Variants in TRAF3 observed in about 807,000 individuals in gnomAD.
TRAF3 encodes TNF receptor-associated factor 3.
TRAF3 carries 13 observed loss-of-function variants against 62.3 expected under a neutral mutation model. The observed-to-expected ratio is 0.21, with a 90% CI of 0.14 to 0.33. TRAF3 has a LOEUF of 0.33. TRAF3 is among the 10% of genes least tolerant of loss of function. TRAF3 has a pLI of 1.00. For missense variants in TRAF3, 440 were observed against 741.8 expected, an observed-to-expected ratio of 0.59 and a Z score of 4.73; for synonymous variants, 269 against 283.4, an observed-to-expected ratio of 0.95 and a Z score of 0.51.
intron 6 of TRAF3, among the ~76,000 whole-genome samples, chr14:102,885,355 C>T (rs1436706594): frequency 6.6e-6 from 1 of 152,176 alleles, no homozygotes; most frequent in African/African-American, 2.4e-5. Flanking sequence ...AGGATTGAGG[C>T]ATCCTGTGGC....
intron 2 of TRAF3, among the ~76,000 whole-genome samples, chr14:102,833,030 T>TAA (rs1340177172): frequency 6.6e-6 from 1 of 152,230 alleles, no homozygotes; most frequent in East Asian, 1.9e-4. Flanking sequence ...CATATCCACA[T>TAA]AAATGGGTGT....
At chr14:102,881,245 A>G (rs929903126) in intron 6 of TRAF3, among the ~76,000 whole-genome samples, 14 of 151,956 alleles carry the variant, frequency 9.2e-5, no homozygotes, top group African/African-American at 3.1e-4. Flanking sequence ...TTAGCTGGGC[A>G]TGGTAACACA....
chr14:102,873,304 A>G (rs560976587), intron 4 of TRAF3, among the ~76,000 whole-genome samples: 3 of 152,228 alleles, frequency 2.0e-5, no homozygotes, highest in East Asian at 3.9e-4. Flanking sequence ...CTCTGCATTT[A>G]CCTGCTGCTG....
At chr14:102,809,681 C>T (rs1325344249) in intron 1 of TRAF3, among the ~76,000 whole-genome samples, 1 of 151,684 alleles carries the variant, frequency 6.6e-6, no homozygotes, top group African/African-American at 2.4e-5. Flanking sequence ...CAGGCGCTCG[C>T]CACCACACCC....
At chr14:102,791,347 T>G (rs1897783722) in intron 1 of TRAF3, among the ~76,000 whole-genome samples, 1 of 152,188 alleles carries the variant, frequency 6.6e-6, no homozygotes, top group Admixed American at 6.5e-5. Context: ...CATTCAATTA[T>G]GTCTCCTTTA....
chr14:102,810,631 A>G (rs1039165941), intron 1 of TRAF3: 6 of 152,224 alleles, frequency 3.9e-5, no homozygotes, highest in Non-Finnish European at 7.3e-5. Context: ...TCTTGAGCTT[A>G]TCATGATGTG....
In TRAF3 at chr14:102,910,375, A is replaced by C. The variant is rs540506227; in HGVS notation, c.*4591A>C. 9.8e-5 allele frequency: 15 copies of C among 152,362 alleles called. 1 individual carries two copies. The highest frequency in any genetic ancestry group is 9.2e-4 in the Admixed American group (14 of 15,300). The allele number at this position is 152,362 out of a possible 1,614,324, so 9.4% of individuals were successfully genotyped here. ...GAATGAGGGTCTGTCACCCAAATCTACTTCTCAGCCCATGACCATAGTTCT... is the reference window on the plus strand; with the variant it reads ...GAATGAGGGTCTGTCACCCAAATCTCCTTCTCAGCCCATGACCATAGTTCT... On this transcript the variant is annotated 3_prime_UTR_variant, in exon 12 of 12. Transcript: ENST00000392745.
chr14:102,898,927 CA>C (rs1392615307), intron 10 of TRAF3, among the ~76,000 whole-genome samples: 1 of 152,212 alleles, frequency 6.6e-6, no homozygotes, highest in Non-Finnish European at 1.5e-5. Flanking sequence ...GTGGTGACGG[CA>C]GCGGTCAGTG....
intron 8 of TRAF3, among the ~76,000 whole-genome samples, chr14:102,890,542 A>G (rs1423084194): frequency 6.6e-6 from 1 of 152,198 alleles, no homozygotes; most frequent in Non-Finnish European, 1.5e-5. Context: ...ATGTTTATAT[A>G]TTGCAACACT....
intron 1 of TRAF3, among the ~76,000 whole-genome samples, chr14:102,787,519 C>CAA (rs775633084): frequency 3.5e-5 from 4 of 112,848 alleles, no homozygotes; most frequent in African/African-American, 3.3e-5. Flanking sequence ...TCTACTAAAC[C>CAA]AAAAAAAAAA....
chr14:102,807,238 T>C (rs758895000), intron 1 of TRAF3, among the ~76,000 whole-genome samples: 6 of 152,188 alleles, frequency 3.9e-5, no homozygotes, highest in Non-Finnish European at 8.8e-5. Flanking sequence ...GATAAGGTCT[T>C]GCGTCTCCCT....
chr14:102,794,695 A>G lies in TRAF3; in HGVS notation c.-157+17020A>G, dbSNP rs543099646. On this transcript the variant is annotated intron_variant, in intron 1 of 11. Transcript: ENST00000392745. The stretch of plus-strand genomic sequence containing the variant: ...TAGTGCTCTCAGTAATATATGTTAG[A>G]TACCCATTTGAAAACTGTTGTGGAT... Among the ~76,000 whole-genome samples the G allele has an allele frequency of 6.6e-5, 10 of 152,342 alleles. 3 individuals are homozygous for G. The highest frequency in any genetic ancestry group is 2.2e-4 in the African/African-American group (9 of 41,576).
intron 1 of TRAF3, among the ~76,000 whole-genome samples, chr14:102,828,091 C>G (rs1302778991): frequency 6.6e-6 from 1 of 152,254 alleles, no homozygotes; most frequent in Admixed American, 6.5e-5. Flanking sequence ...AGCCATCCTC[C>G]AGTAAAAAAC....
Position 102,808,240 on chromosome 14 carries a change from C to T in TRAF3, c.-156-22094C>T, listed in dbSNP as rs1042930459. Among the ~76,000 whole-genome samples the T allele has an allele frequency of 5.3e-5, 8 of 152,182 alleles. No homozygotes were observed. The South Asian group carries it at 6.2e-4, about 12-fold the overall frequency. On this transcript the variant is annotated intron_variant, in intron 1 of 11. Coordinates refer to ENST00000392745, the MANE Select transcript of TRAF3 (RefSeq NM_145725.3). The stretch of plus-strand genomic sequence containing the variant: ...AAAGAAGAACACACTAGGCCAGGTG[C>T]GGTGGCTCACACCTGTAATCCCAGC...
chr14:102,781,631 A>G (rs773359149), intron 1 of TRAF3, among the ~76,000 whole-genome samples: 18 of 151,864 alleles, frequency 1.2e-4, no homozygotes, highest in Non-Finnish European at 2.2e-4. Context: ...TTATTTATTT[A>G]TTTTATTTTA....
chr14:102,881,405 A>G (rs1889055009), intron 6 of TRAF3, among the ~76,000 whole-genome samples: 2 of 152,086 alleles, frequency 1.3e-5, no homozygotes, highest in Non-Finnish European at 2.9e-5. Flanking sequence ...CAAAAAAAAA[A>G]AAAAAGAAAA....
At chr14:102,801,105 G>A (rs945031946) in intron 1 of TRAF3, among the ~76,000 whole-genome samples, 2 of 152,236 alleles carry the variant, frequency 1.3e-5, no homozygotes, top group Admixed American at 1.3e-4. Context: ...GGCGGAGCTT[G>A]CAGTGAGCGG....
intron 7 of TRAF3, 36 bp from the exon 8 acceptor site, chr14:102,889,524 G>T (rs1555376031): frequency 6.2e-7 from 1 of 1,608,512 alleles, no homozygotes; most frequent in Non-Finnish European, 8.5e-7. Flanking sequence ...TCATGCAAAC[G>T]TTTGTGCCAC....
chr14:102,858,490 A>G (rs1222549587), intron 2 of TRAF3, among the ~76,000 whole-genome samples: 1 of 151,604 alleles, frequency 6.6e-6, no homozygotes, highest in Non-Finnish European at 1.5e-5. Flanking sequence ...CTCCAAAGTT[A>G]TTAGAAACCT....
Sources: gnomAD v4.1 joint callset for allele counts (sites outside exome capture counted in the v4.1 genomes callset) on GRCh38, gnomAD v4.1.1 for gene constraint, MANE v1.5 for transcripts, NCBI Gene and HGNC (gene_info 2026-07-23, HGNC 2026-07-21) for gene names.